Variants in NCSTN observed in about 807,000 individuals in gnomAD.
NCSTN encodes the protein nicastrin.
NCSTN carries 22 observed loss-of-function variants against 87.0 expected under a neutral mutation model. The observed-to-expected ratio is 0.25, with a 90% CI of 0.18 to 0.36. The LOEUF (loss-of-function observed/expected upper bound fraction) is 0.36. Among genes scored for constraint, NCSTN ranks in the 10% least tolerant of loss-of-function variants. NCSTN has a pLI of 1.00. For missense variants in NCSTN, 693 were observed against 883.3 expected, an observed-to-expected ratio of 0.78 and a Z score of 2.73; for synonymous variants, 306 against 327.1, an observed-to-expected ratio of 0.94 and a Z score of 0.69.
intron 3 of NCSTN, 32 bp from the exon 4 acceptor site, chr1:160,349,517 T>C (rs1214389146): frequency 4.3e-6 from 7 of 1,614,058 alleles, no homozygotes; most frequent in Non-Finnish European, 5.9e-6. Context: ...TACCTTCCTG[T>C]GTTCCTTCAT....
chr1:160,349,345 CTCCCTCCCT>C (rs1475169245), intron 3 of NCSTN, 195 bp from the exon 4 acceptor site: 6 of 935,858 alleles, frequency 6.4e-6, no homozygotes, highest in Non-Finnish European at 1.0e-5. Flanking sequence ...CATCCCTCCC[CTCCCTCCCT>C]GGGGTCCTTA....
chr1:160,343,658 C>T (rs1209720357), intron 1 of NCSTN, 177 bp downstream of exon 1: 10 of 735,180 alleles, frequency 1.4e-5, no homozygotes, highest in Non-Finnish European at 2.2e-5. Flanking sequence ...ACCTGAAGGT[C>T]CCTTCTCCCC....
Position 160,354,132 on chromosome 1 carries a change from G to A in NCSTN, c.1194G>A (p.Leu398=). The A allele has an allele frequency of 6.2e-7, 1 of 1,614,076 alleles. No individual in the cohort carries two copies. The change falls in exon 11 of 17, where the codon CTG becomes CTA. Residue 398 remains leucine (L), a synonymous_variant. Coordinates refer to ENST00000294785, the MANE Select transcript of NCSTN (RefSeq NM_015331.3). ...ESVRNQVEDL[L]ATLEKSGAGV... ...GTACCCCCCAGGTGGAGGATCTCCTGGCCACATTGGAGAAGAGTGGTGCTG... is the reference window on the plus strand; with the variant it reads ...GTACCCCCCAGGTGGAGGATCTCCTAGCCACATTGGAGAAGAGTGGTGCTG...
rs1649158899 is a variant in NCSTN, at chr1:160,356,906, A to G, written c.1795-135A>G. The G allele has an allele frequency of 2.2e-6, 3 of 1,374,150 alleles. No homozygotes were observed. In the Admixed American group the frequency reaches 5.4e-5, roughly 25 times the overall value. The allele number at this position is 1,374,150 out of a possible 1,614,324, so 85.1% of individuals were successfully genotyped here. A position where few individuals can be genotyped will look rare whatever the true frequency, so the allele number is the denominator to read the frequency against. ...TTGGGTGTTGAAAAGCCTGGGTGAA[A>G]ATGGACCATCTGAAGGGTAAAGGGA... On this transcript the variant is annotated intron_variant, in intron 15 of 16. Coordinates refer to ENST00000294785, the MANE Select transcript of NCSTN (RefSeq NM_015331.3).
In NCSTN at chr1:160,358,445, C is replaced by G. The variant is rs1345364640; in HGVS notation, c.*174C>G. On this transcript the variant is annotated 3_prime_UTR_variant, in exon 17 of 17. Transcript: ENST00000294785. Reference sequence around the variant, plus strand: ...ACAGGGAGAAATAAATAAATTGCCTCCCTTCCTCCGCTCCCCTTTCCCATC... The same window carrying G: ...ACAGGGAGAAATAAATAAATTGCCTGCCTTCCTCCGCTCCCCTTTCCCATC... 1 of 828,966 alleles carries G rather than the reference C, an allele frequency of 1.2e-6. No homozygotes were observed. The highest frequency in any genetic ancestry group is 1.7e-5 in the African/African-American group (1 of 59,284). The allele number at this position is 828,966 out of a possible 1,614,324, so 51.4% of individuals were successfully genotyped here.
Position 160,353,146 on chromosome 1 carries a change from C to T in NCSTN, c.1102-14C>T, listed in dbSNP as rs1648955857. The T allele has an allele frequency of 6.2e-7, 1 of 1,613,592 alleles. No individual in the cohort carries two copies. Among genetic ancestry groups the T allele is most frequent in the Non-Finnish European group, 8.5e-7 (1 of 1,179,462 alleles). ...AGACTGATTCTAAGTGTTGTTTCTT[C>T]ATCCTCCCCCCAGGTGGCCTTAAGA... On this transcript the variant is annotated splice_polypyrimidine_tract_variant and intron_variant, in intron 9 of 16. Transcript: ENST00000294785.
intron 16 of NCSTN, 142 bp downstream of exon 16, chr1:160,357,395 C>T (rs1437022879): frequency 1.1e-6 from 1 of 908,282 alleles, no homozygotes; most frequent in Non-Finnish European, 1.7e-6. Flanking sequence ...GGTCAGCCAG[C>T]ATGTTCCCTT....
At chr1:160,348,358 A>G (rs1648630048) in intron 2 of NCSTN, among the ~76,000 whole-genome samples, 1 of 152,164 alleles carries the variant, frequency 6.6e-6, no homozygotes, top group African/African-American at 2.4e-5. Context: ...TCCTGGGGTA[A>G]ATGATAAGTA....
chr1:160,344,837 A>C lies in NCSTN; in HGVS notation c.190+11A>C. On this transcript the variant is annotated intron_variant, in intron 2 of 16. Transcript: ENST00000294785. The stretch of plus-strand genomic sequence containing the variant: ...AGATTGGCTGCCAGTGTGAGTTGAG[A>C]TGGATTCATGTTTGTGGACATTGAT... 1 of 1,599,682 alleles carries C rather than the reference A, an allele frequency of 6.3e-7. No individual in the cohort carries two copies. The highest frequency in any genetic ancestry group is 8.6e-7 in the Non-Finnish European group (1 of 1,167,028).
chr1:160,358,189 C>G lies in NCSTN; in HGVS notation c.2048C>G (p.Ser683Cys). The G allele has an allele frequency of 6.2e-7, 1 of 1,614,172 alleles. No homozygotes were observed. The highest frequency in any genetic ancestry group is 8.5e-7 in the Non-Finnish European group (1 of 1,180,034). The change falls in exon 17 of 17, where the codon TCC (serine) becomes TGC (cysteine). Residue 683 changes from serine to cysteine, a missense_variant. Coordinates refer to ENST00000294785, the MANE Select transcript of NCSTN (RefSeq NM_015331.3). ...LTVGFGILIF[S>C]LIVTYCINAK... ...GTGGGCTTCGGCATCCTCATCTTCT[C>G]CCTCATCGTCACCTACTGCATCAAT...
At chr1:160,343,930 C>T in intron 1 of NCSTN, 10 of 250,690 alleles carry the variant, frequency 4.0e-5, no homozygotes, top group Non-Finnish European at 6.4e-5. Flanking sequence ...CATCCTAAGT[C>T]TGTGTCCCCC....
At chr1:160,357,701 C>T (rs565494845) in intron 16 of NCSTN, among the ~76,000 whole-genome samples, 18 of 152,322 alleles carry the variant, frequency 1.2e-4, no homozygotes, top group Admixed American at 2.6e-4. Context: ...CCACTGCACC[C>T]GGCCAGGAGG....
chr1:160,354,436 C>G, intron 11 of NCSTN, 146 bp downstream of exon 11: 1 of 869,458 alleles, frequency 1.2e-6, no homozygotes, highest in Middle Eastern at 2.7e-4. Flanking sequence ...GTGGCGTTTT[C>G]ACATCTGAAC....
intron 15 of NCSTN, 26 bp downstream of exon 15, chr1:160,356,780 G>T (rs1338940352): frequency 5.0e-6 from 8 of 1,613,860 alleles, no homozygotes; most frequent in African/African-American, 4.0e-5. Flanking sequence ...TGTTGGAAGT[G>T]CCCTGGGGCC....
In NCSTN at chr1:160,356,745, A is replaced by C; in HGVS notation, c.1785A>C (p.Glu595Asp). ...AGGATCCAAGTAAAGTCCCAAGTGA[A>C]AACAAGGATGTGAGTGGTGGTGGGT... is the stretch of plus-strand genomic sequence containing the variant. The part of the protein sequence containing the change: ...QCQDPSKVPS[E>D]NKDLYEYSWV... The change falls in exon 15 of 17, where the codon GAA becomes GAC. Residue 595 changes from glutamate (E) to aspartate (D), a missense_variant. Physicochemically the swap from Glu to Asp is conservative, Grantham distance 45 (BLOSUM62 2). Around this residue, in one of 4 missense-constraint regions of NCSTN, gnomAD observed 216 missense variants for 311.7 expected, o/e 0.69. Coordinates refer to ENST00000294785, the MANE Select transcript of NCSTN (RefSeq NM_015331.3). 1.2e-6 allele frequency: 2 copies of C among 1,614,234 alleles called. No homozygotes were observed. Among genetic ancestry groups the C allele is most frequent in the Non-Finnish European group, 1.7e-6 (2 of 1,180,044 alleles).
chr1:160,345,409 T>G (rs1648416723), intron 2 of NCSTN, among the ~76,000 whole-genome samples: 1 of 151,946 alleles, frequency 6.6e-6, no homozygotes, highest in Admixed American at 6.5e-5. Context: ...GCCAGGCTGG[T>G]CTCGAACTCT....
In NCSTN at chr1:160,351,202, G is replaced by C. The variant is rs778254764; in HGVS notation, c.583-20G>C. On this transcript the variant is annotated intron_variant, in intron 5 of 16. Transcript: ENST00000294785. ...CCTCCACAAACTAGCTGTCTCAGTGGGGTCCATCTCCCCTTTCAGTGCTAT... is the reference window on the plus strand; with the variant it reads ...CCTCCACAAACTAGCTGTCTCAGTGCGGTCCATCTCCCCTTTCAGTGCTAT... 1 of 1,613,964 alleles carries C rather than the reference G, an allele frequency of 6.2e-7. No individual in the cohort carries two copies. Among genetic ancestry groups the C allele is most frequent in the South Asian group, 1.1e-5 (1 of 91,064 alleles).
In NCSTN at chr1:160,356,659, G is replaced by A. The variant is rs200141699; in HGVS notation, c.1699G>A (p.Val567Ile). The change falls in exon 15 of 17, where the codon GTA (valine) becomes ATA (isoleucine). Residue 567 changes from valine to isoleucine, a missense_variant. By Grantham distance (29) the Val-to-Ile change is conservative. This residue lies in a region of NCSTN where 216 missense variants were observed against 311.7 expected (regional missense o/e 0.69). Transcript: ENST00000294785. ...VSSPTNTTYV[V>I]QYALANLTGT... ...CAGCCCCACCAACACCACTTATGTT[G>A]TACAGTATGCCTTGGCAAATTTGAC... 6.2e-7 allele frequency: 1 copy of A among 1,614,194 alleles called. No individual in the cohort carries two copies. The highest frequency in any genetic ancestry group is 1.1e-5 in the South Asian group (1 of 91,090).
chr1:160,353,604 C>A, intron 10 of NCSTN: 4 of 1,202,572 alleles, frequency 3.3e-6, no homozygotes, highest in Non-Finnish European at 3.1e-6. Flanking sequence ...CCAACTTGTC[C>A]TCCACTTTCC....
Sources: allele counts gnomAD v4.1 joint callset (sites outside exome capture counted in the v4.1 genomes callset), GRCh38; gene constraint gnomAD v4.1.1; regional missense constraint gnomAD v4.1.1; transcripts MANE v1.5; gene names NCBI Gene and HGNC (gene_info 2026-07-23, HGNC 2026-07-21).